GALNTL6: variants seen among roughly 807,000 people sequenced by gnomAD.
GALNTL6 encodes the protein polypeptide N-acetylgalactosaminyltransferase-like 6.
In GALNTL6, 46 loss-of-function variants were observed where a neutral mutation model predicts 73.7. The observed-to-expected ratio is 0.62, with a 90% CI of 0.49 to 0.80. GALNTL6 has a LOEUF of 0.80. GALNTL6 is among the 30% of genes least tolerant of loss of function. GALNTL6 has a pLI of 0.00. For synonymous variants in GALNTL6, 259 were observed against 263.7 expected, an observed-to-expected ratio of 0.98 and a Z score of 0.17; for missense variants, 604 against 755.0, an observed-to-expected ratio of 0.80 and a Z score of 2.34.
At chr4:172,028,722 A>G (rs928439110) in intron 2 of GALNTL6, among the ~76,000 whole-genome samples, 1 of 152,030 alleles carries the variant, frequency 6.6e-6, no homozygotes, top group South Asian at 2.1e-4. Context: ...CCAAACATGT[A>G]ATTATCAAAG....
chr4:171,974,844 A>T (rs1207411765), intron 2 of GALNTL6, among the ~76,000 whole-genome samples: 1 of 152,216 alleles, frequency 6.6e-6, no homozygotes, highest in African/African-American at 2.4e-5. Context: ...CATTTTTAGT[A>T]GCAACACAAT....
intron 5 of GALNTL6, among the ~76,000 whole-genome samples, chr4:172,544,924 G>A (rs760143679): frequency 2.0e-5 from 3 of 152,092 alleles, no homozygotes; most frequent in Non-Finnish European, 2.9e-5. Context: ...TTTGATTTAT[G>A]TTTATTGAAT....
At chr4:173,009,154 C>T (rs1431218088) in intron 10 of GALNTL6, 24 bp from the exon 11 acceptor site, 1 of 1,535,460 alleles carries the variant, frequency 6.5e-7, no homozygotes, top group African/African-American at 1.4e-5. Context: ...GCCCCACACT[C>T]AAAATTCTTT....
At chr4:172,713,162 C>A (rs1304283794) in intron 5 of GALNTL6, among the ~76,000 whole-genome samples, 1 of 151,400 alleles carries the variant, frequency 6.6e-6, no homozygotes, top group African/African-American at 2.4e-5. Context: ...CTGTTACGTG[C>A]TGTATCGGTC....
intron 5 of GALNTL6, among the ~76,000 whole-genome samples, chr4:172,482,364 C>T (rs760364261): frequency 4.6e-5 from 7 of 152,240 alleles, no homozygotes; most frequent in Admixed American, 2.0e-4. Context: ...GTGGCCAGAG[C>T]GGATGCCGAG....
chr4:171,869,318 A>T (rs938671753), intron 2 of GALNTL6, among the ~76,000 whole-genome samples: 3 of 152,228 alleles, frequency 2.0e-5, no homozygotes, highest in Admixed American at 2.0e-4. Flanking sequence ...TTGAGGAGCT[A>T]AACAAAATGA....
chr4:171,841,946 G>A (rs78426664), intron 2 of GALNTL6, among the ~76,000 whole-genome samples: 1 of 151,724 alleles, frequency 6.6e-6, no homozygotes, highest in Non-Finnish European at 1.5e-5. Context: ...CTAAAATAAG[G>A]CATGAAAATA....
At chr4:172,764,205 G>A (rs1738273742) in intron 5 of GALNTL6, among the ~76,000 whole-genome samples, 1 of 152,166 alleles carries the variant, frequency 6.6e-6, no homozygotes, top group Admixed American at 6.5e-5. Flanking sequence ...TGGTCCGCCC[G>A]CCTTCGTCTC....
intron 3 of GALNTL6, among the ~76,000 whole-genome samples, chr4:172,270,016 A>G (rs1439800889): frequency 1.3e-5 from 2 of 152,136 alleles, no homozygotes; most frequent in Non-Finnish European, 1.5e-5. Context: ...GATTACAGGT[A>G]TGAGCCACCA....
At chr4:172,496,472 T>G (rs1368332270) in intron 5 of GALNTL6, among the ~76,000 whole-genome samples, 1 of 152,100 alleles carries the variant, frequency 6.6e-6, no homozygotes, top group African/African-American at 2.4e-5. Context: ...GGAGAATCGC[T>G]TGGGACCAGG....
At chr4:172,560,797 A>G (rs1423599747) in intron 5 of GALNTL6, among the ~76,000 whole-genome samples, 1 of 152,224 alleles carries the variant, frequency 6.6e-6, no homozygotes, top group Non-Finnish European at 1.5e-5. Flanking sequence ...AACAAAGCTG[A>G]TAAAATATTT....
chr4:172,069,439 T>TATATGTTATATATAACACATATATAAC lies in GALNTL6; in HGVS notation c.139-160213_139-160212insGTTATATATAACACATATATAACATAT, dbSNP rs1560909265. On this transcript the variant is annotated intron_variant, in intron 2 of 12. Coordinates refer to ENST00000506823, the MANE Select transcript of GALNTL6 (RefSeq NM_001034845.3). ...TGTTATATATAACACACATATAACA[T>TATATGTTATATATAACACATATATAAC]ATATATGTAATATATAACACACATA... Among the ~76,000 whole-genome samples the TATATGTTATATATAACACATATATAAC allele has an allele frequency of 2.5e-5, 2 of 80,668 alleles. 1 individual carries two copies. The highest frequency in any genetic ancestry group is 1.0e-4 in the African/African-American group (2 of 19,690). 52.9% of individuals were successfully genotyped at this position (80,668 alleles called of 152,430 possible). A position where few individuals can be genotyped will look rare whatever the true frequency, so the allele number is the denominator to read the frequency against.
chr4:172,943,172 G>A (rs1300995819), intron 9 of GALNTL6, among the ~76,000 whole-genome samples: 2 of 150,000 alleles, frequency 1.3e-5, no homozygotes, highest in South Asian at 2.1e-4. Context: ...TGGATGACTT[G>A]CTTTGGGAGA....
At chr4:172,220,488 C>T (rs1462935887) in intron 2 of GALNTL6, among the ~76,000 whole-genome samples, 14 of 151,718 alleles carry the variant, frequency 9.2e-5, no homozygotes, top group Admixed American at 9.2e-4. Context: ...GTATAAATAT[C>T]CCCTTCCCTA....
intron 5 of GALNTL6, among the ~76,000 whole-genome samples, chr4:172,702,873 T>C (rs1347699): frequency 0.98 from 149,337 of 151,954 alleles, 73,435 homozygotes; most frequent in Non-Finnish European, 1. Context: ...ATTATTTTAT[T>C]TAAAGTTTAT....
At chr4:172,315,111 T>C (rs939349359) in intron 4 of GALNTL6, among the ~76,000 whole-genome samples, 3 of 152,214 alleles carry the variant, frequency 2.0e-5, no homozygotes, top group Non-Finnish European at 4.4e-5. Context: ...AGCTTTTCAC[T>C]TTTGTTTTTA....
chr4:172,806,933 C>A (rs761436277), intron 5 of GALNTL6, among the ~76,000 whole-genome samples: 1 of 152,146 alleles, frequency 6.6e-6, no homozygotes, highest in Non-Finnish European at 1.5e-5. Context: ...ATACAATTTT[C>A]TTAAATATTT....
intron 5 of GALNTL6, among the ~76,000 whole-genome samples, chr4:172,751,684 C>T (rs1759075673): frequency 1.3e-5 from 2 of 152,246 alleles, no homozygotes; most frequent in African/African-American, 4.8e-5. Context: ...GCCCAATTGA[C>T]AGCCTCTGGG....
Position 172,076,407 on chromosome 4 carries a change from C to T in GALNTL6, c.139-153249C>T, listed in dbSNP as rs147342640. Among the ~76,000 whole-genome samples, 658 of 152,276 alleles carry T rather than the reference C, an allele frequency of 4.3e-3. 3 individuals are homozygous for T. Among genetic ancestry groups the T allele is most frequent in the South Asian group, 0.011 (54 of 4,828 alleles). The stretch of plus-strand genomic sequence containing the variant: ...GTAACACTGATGGGATAATAACATT[C>T]TTTCAATTTTATAATGGTAATAGGT... On this transcript the variant is annotated intron_variant, in intron 2 of 12. Coordinates refer to ENST00000506823, the MANE Select transcript of GALNTL6 (RefSeq NM_001034845.3).
Sources: gnomAD v4.1 joint callset for allele counts (sites outside exome capture counted in the v4.1 genomes callset) on GRCh38, gnomAD v4.1.1 for gene constraint, MANE v1.5 for transcripts, NCBI Gene and HGNC (gene_info 2026-07-23, HGNC 2026-07-21) for gene names.